The following KLF12 variants were observed in gnomAD, a reference collection of about 807,000 sequenced individuals.
The protein encoded by KLF12 is KLF transcription factor 12.
In KLF12, 9 loss-of-function variants were observed where a neutral mutation model predicts 37.8. The observed-to-expected ratio is 0.24, with a 90% CI of 0.14 to 0.42. KLF12 has a LOEUF of 0.42. Ranked by LOEUF, KLF12 falls within the 10% of genes least tolerant of loss-of-function variation. The pLI is 1.00. For synonymous variants in KLF12, 208 were observed against 202.1 expected (o/e 1.03, Z -0.25); for missense variants, 411 against 516.0 (o/e 0.80, Z 1.97).
chr13:73,906,011 T>TTTGGTTTAATATGTGTATTGATTGCC (rs1424582864), intron 3 of KLF12, among the ~76,000 whole-genome samples: 3 of 152,122 alleles, frequency 2.0e-5, no homozygotes, highest in Non-Finnish European at 4.4e-5. Context: ...TACACTGGAG[T>TTTGGTTTAATATGTGTATTGATTGCC]TTGGTTTAAT....
chr13:73,924,487 C>A (rs1889283842), intron 3 of KLF12, among the ~76,000 whole-genome samples: 1 of 152,062 alleles, frequency 6.6e-6, no homozygotes. Flanking sequence ...GTGCCATGAA[C>A]CCTGCCCATA....
chr13:74,016,158 C>A (rs1892683033), intron 1 of KLF12, among the ~76,000 whole-genome samples: 1 of 151,694 alleles, frequency 6.6e-6, no homozygotes, highest in African/African-American at 2.4e-5. Context: ...GAAAAATGGA[C>A]CAAAAACAAA....
At chr13:73,740,820 C>T (rs1877916095) in intron 6 of KLF12, among the ~76,000 whole-genome samples, 1 of 152,132 alleles carries the variant, frequency 6.6e-6, no homozygotes, top group South Asian at 2.1e-4. Context: ...AGTTTTGGAG[C>T]CTCTGTAGCA....
intron 2 of KLF12, among the ~76,000 whole-genome samples, chr13:73,947,996 T>C (rs1890505722): frequency 6.6e-6 from 1 of 152,216 alleles, no homozygotes; most frequent in South Asian, 2.1e-4. Flanking sequence ...GTTCCTGTCA[T>C]AAGTCAAAAA....
chr13:73,752,582 A>T, intron 6 of KLF12, among the ~76,000 whole-genome samples: 1 of 152,084 alleles, frequency 6.6e-6, no homozygotes, highest in Non-Finnish European at 1.5e-5. Flanking sequence ...TTCCATAAGC[A>T]ACTGCTGTTT....
intron 3 of KLF12, among the ~76,000 whole-genome samples, chr13:73,895,644 G>A (rs187265109): frequency 1.3e-5 from 2 of 152,244 alleles, no homozygotes; most frequent in African/African-American, 2.4e-5. Context: ...ACAGGGCACA[G>A]GAGGAAGGTC....
intron 5 of KLF12, among the ~76,000 whole-genome samples, chr13:73,785,267 C>T (rs1041146873): frequency 1.3e-5 from 2 of 151,900 alleles, no homozygotes; most frequent in African/African-American, 2.4e-5. Flanking sequence ...GGTGGTGCCA[C>T]CACACCATGC....
intron 5 of KLF12, among the ~76,000 whole-genome samples, chr13:73,772,219 G>C (rs67165452): frequency 0.15 from 22,521 of 152,142 alleles, 1,716 homozygotes; most frequent in South Asian, 0.25. Context: ...AATATTAGTT[G>C]AATCTCTACT....
intron 3 of KLF12, among the ~76,000 whole-genome samples, chr13:73,936,496 A>C (rs1889934122): frequency 6.6e-6 from 1 of 151,970 alleles, no homozygotes; most frequent in African/African-American, 2.4e-5. Context: ...CCTCCAATAC[A>C]CAGGAAGATA....
At chr13:73,764,605 T>C (rs375797941) in intron 6 of KLF12, among the ~76,000 whole-genome samples, 15 of 152,078 alleles carry the variant, frequency 9.9e-5, no homozygotes, top group African/African-American at 3.4e-4. Context: ...GGAGTTGAAG[T>C]TGGTATCTGA....
At chr13:74,171,046 T>C in the KLF12 span, among the ~76,000 whole-genome samples, 1 of 152,180 alleles carries the variant, frequency 6.6e-6, no homozygotes, top group Non-Finnish European at 1.5e-5. Flanking sequence ...ATTACAGGTG[T>C]GACCCACAAT....
chr13:74,184,030 T>A, the KLF12 span, among the ~76,000 whole-genome samples: 1 of 152,184 alleles, frequency 6.6e-6, no homozygotes, highest in Non-Finnish European at 1.5e-5. Context: ...CAAGGTGTGA[T>A]CCACTGACCA....
chr13:74,204,120 T>C, the KLF12 span, among the ~76,000 whole-genome samples: 2 of 152,134 alleles, frequency 1.3e-5, no homozygotes, highest in East Asian at 3.9e-4. Flanking sequence ...TTTGAAATGA[T>C]ACAACTCTGG....
At chr13:73,777,304 T>C (rs1452763428) in intron 5 of KLF12, among the ~76,000 whole-genome samples, 1 of 152,300 alleles carries the variant, frequency 6.6e-6, no homozygotes, top group Non-Finnish European at 1.5e-5. Context: ...AGGGGGTACA[T>C]CCCAGAAGGT....
chr13:74,050,067 G>C (rs1324325711), intron 1 of KLF12, among the ~76,000 whole-genome samples: 1 of 151,844 alleles, frequency 6.6e-6, no homozygotes, highest in Non-Finnish European at 1.5e-5. Flanking sequence ...TGCAAAACTT[G>C]ACAAAAACAG....
At chr13:73,948,840 A>T (rs1412598325) in intron 2 of KLF12, among the ~76,000 whole-genome samples, 5 of 152,250 alleles carry the variant, frequency 3.3e-5, no homozygotes, top group Non-Finnish European at 7.3e-5. Context: ...AACAAACCTA[A>T]TAGATTGAAA....
intron 5 of KLF12, among the ~76,000 whole-genome samples, chr13:73,809,432 TAAAC>T (rs143131595): frequency 2.7e-5 from 4 of 147,216 alleles, no homozygotes; most frequent in African/African-American, 7.4e-5. Flanking sequence ...TAATAAAGGA[TAAAC>T]TAACAGAAAA....
rs142407477 is a variant in KLF12 at position 73,831,644 on chromosome 13, G to A, written c.670+14183C>T. Among the ~76,000 whole-genome samples the A allele has an allele frequency of 1.1e-3, 168 of 152,248 alleles. 1 individual carries two copies. The highest frequency in any genetic ancestry group is 3.9e-3 in the African/African-American group (162 of 41,566). On this transcript the variant is annotated intron_variant, in intron 4 of 7. Coordinates refer to ENST00000377669, the MANE Select transcript of KLF12 (RefSeq NM_007249.5). ...GAAAGACCTTGCTGCAATTATTCAA[G>A]TTCTTGTTTTAATAATAATTTTGAC...
chr13:73,728,143 T>C (rs184372895), intron 6 of KLF12, among the ~76,000 whole-genome samples: 100 of 152,376 alleles, frequency 6.6e-4, no homozygotes, highest in Admixed American at 4.6e-3. Flanking sequence ...TTAACCATGT[T>C]TTGTAGTTTT....
Sources: allele counts gnomAD v4.1 joint callset (sites outside exome capture counted in the v4.1 genomes callset), GRCh38; gene constraint gnomAD v4.1.1; transcripts MANE v1.5; gene names NCBI Gene and HGNC (gene_info 2026-07-23, HGNC 2026-07-21).